PHKG2: variants seen among roughly 807,000 people sequenced by gnomAD.
PHKG2 encodes the protein phosphorylase kinase catalytic subunit gamma 2.
In PHKG2, 28 loss-of-function variants were observed where a neutral mutation model predicts 44.5. That is an observed-to-expected ratio of 0.63 (90% CI 0.47 to 0.86). The LOEUF is 0.86. Among genes scored for constraint, PHKG2 ranks in the 40% least tolerant of loss-of-function variants. The pLI, the probability that PHKG2 is intolerant of heterozygous loss-of-function variation, is 0.00. For missense variants in PHKG2, 498 were observed against 547.5 expected (o/e 0.91, Z 0.90); for synonymous variants, 220 against 211.2 (o/e 1.04, Z -0.36).
At position 30,753,283 on chromosome 16, in the gene PHKG2, T is replaced by C. The variant is rs1452563474; in HGVS notation, c.378T>C (p.Ser126=). ...ATCTCACAGAGAAGGTGGCCCTCTCTGAAAAGGAAACCAGGTAAGGGTTGA... is the reference window on the plus strand; with the variant it reads ...ATCTCACAGAGAAGGTGGCCCTCTCCGAAAAGGAAACCAGGTAAGGGTTGA... ...FDYLTEKVAL[S]EKETRSIMRS... is the part of the protein sequence containing the mutation. The change falls in exon 5 of 10, where the codon TCT becomes TCC. Residue 126 remains serine (S), a synonymous_variant. Coordinates refer to ENST00000563588, the MANE Select transcript of PHKG2 (RefSeq NM_000294.3). 6.2e-7 allele frequency: 1 copy of C among 1,613,954 alleles called. No homozygotes were observed.
chr16:30,748,564 C>A, intron 1 of PHKG2, 74 bp downstream of exon 1: 1 of 555,868 alleles, frequency 1.8e-6, no homozygotes, highest in Non-Finnish European at 3.2e-6. Flanking sequence ...GCCGCCTGCC[C>A]TTGCGCCCCT....
At position 30,757,097 on chromosome 16, in the gene PHKG2, G is replaced by T. The variant is rs1238421655; in HGVS notation, c.1221G>T (p.Ter407TyrextTer34). Residue 407 changes from the stop codon to tyrosine (Y), a stop_lost, in exon 10 of 10, where the codon TAG becomes TAT. Coordinates refer to ENST00000563588, the MANE Select transcript of PHKG2 (RefSeq NM_000294.3). ...ATGAGGCCGTGCTTGTGCTGGGCTA[G>T]GACCTCAACCCCAGGGATTCCCAGG... ...TEDEAVLVLG* is the reference protein window; with the variant it reads ...TEDEAVLVLGY The T allele has an allele frequency of 6.2e-7, 1 of 1,613,178 alleles. No homozygotes were observed. The highest frequency in any genetic ancestry group is 2.2e-5 in the East Asian group (1 of 44,878).
At chr16:30,751,684 G>C in intron 4 of PHKG2, 81 bp downstream of exon 4, 1 of 1,141,776 alleles carries the variant, frequency 8.8e-7, no homozygotes, top group Non-Finnish European at 1.3e-6. Context: ...CAGTGGGCTG[G>C]ACCCATCCTG....
rs775875751 is a variant in PHKG2, at chr16:30,753,567, T to TC, written c.556+11dup. The TC allele has an allele frequency of 6.2e-7, 1 of 1,613,594 alleles. No individual in the cohort carries two copies. The highest frequency in any genetic ancestry group is 8.5e-7 in the Non-Finnish European group (1 of 1,179,562). On this transcript the variant is annotated intron_variant, in intron 6 of 9. Coordinates refer to ENST00000563588, the MANE Select transcript of PHKG2 (RefSeq NM_000294.3). ...GGCGAGAAGCTTCGAGGTGAGGGGA[T>TC]CTAGTGCCCTAATAGGCTTGGGAGG... is the stretch of plus-strand genomic sequence containing the variant.
Position 30,760,804 on chromosome 16 carries a change from A to G in PHKG2, c.*3707A>G, listed in dbSNP as rs538862364. 2 of 764,734 alleles carry G rather than the reference A, an allele frequency of 2.6e-6. No individual in the cohort carries two copies. The highest frequency in any genetic ancestry group is 2.0e-5 in the Admixed American group (1 of 48,840). 47.4% of individuals were successfully genotyped at this position (764,734 alleles called of 1,614,324 possible). A position where few individuals can be genotyped will look rare whatever the true frequency, so the allele number is the denominator to read the frequency against. ...TTGCCAGCTTGCTGTGTGACTATGC[A>G]AATCGTTAACTCTCTGGGCCTAAAT... On this transcript the variant is annotated 3_prime_UTR_variant, in exon 10 of 10. Coordinates refer to ENST00000563588, the MANE Select transcript of PHKG2 (RefSeq NM_000294.3).
At position 30,759,585 on chromosome 16, in the gene PHKG2, G is replaced by T. The variant is rs769752076; in HGVS notation, c.*2488G>T. 1.9e-6 allele frequency: 3 copies of T among 1,614,146 alleles called. No homozygotes were observed. The highest frequency in any genetic ancestry group is 2.2e-5 in the South Asian group (2 of 91,084). On this transcript the variant is annotated 3_prime_UTR_variant, in exon 10 of 10. Transcript: ENST00000563588. ...TCACAAGAAGATAAGGGTGATGAAT[G>T]TGAGAGAGACTGGGTGAGACCTTGT...
At chr16:30,749,280 C>G (rs112808270) in intron 2 of PHKG2, among the ~76,000 whole-genome samples, 13 of 147,606 alleles carry the variant, frequency 8.8e-5, no homozygotes, top group South Asian at 2.1e-4. Flanking sequence ...GTGTGTGTGT[C>G]TGTGTGTGTG....
intron 6 of PHKG2, among the ~76,000 whole-genome samples, chr16:30,755,654 C>T (rs8049887): frequency 1.3e-5 from 2 of 151,696 alleles, no homozygotes; most frequent in African/African-American, 2.4e-5. Flanking sequence ...CCAGACTAGG[C>T]GACAGGGCAA....
intron 4 of PHKG2, 117 bp downstream of exon 4, chr16:30,751,720 G>A (rs764614483): frequency 3.3e-6 from 3 of 907,730 alleles, no homozygotes; most frequent in Non-Finnish European, 5.6e-6. Context: ...TCCAGCTGGG[G>A]CTCTCTATCA....
At chr16:30,750,230 C>T (rs752900452) in intron 2 of PHKG2, among the ~76,000 whole-genome samples, 1 of 152,026 alleles carries the variant, frequency 6.6e-6, no homozygotes, top group Non-Finnish European at 1.5e-5. Flanking sequence ...AAAATTGCAC[C>T]GGCCAAAACG....
chr16:30,760,226 T>G lies in PHKG2; in HGVS notation c.*3129T>G. Reference sequence around the variant, plus strand: ...TGCTTCTGCTTCCCATGGTCACTTGTGCCAGGCCCGGTTCCTCTTCTCCCT... The same window carrying G: ...TGCTTCTGCTTCCCATGGTCACTTGGGCCAGGCCCGGTTCCTCTTCTCCCT... On this transcript the variant is annotated 3_prime_UTR_variant, in exon 10 of 10. Coordinates refer to ENST00000563588, the MANE Select transcript of PHKG2 (RefSeq NM_000294.3). 1.2e-6 allele frequency: 2 copies of G among 1,613,100 alleles called. No homozygotes were observed. Among genetic ancestry groups the G allele is most frequent in the Non-Finnish European group, 1.7e-6 (2 of 1,180,002 alleles).
At position 30,758,864 on chromosome 16, in the gene PHKG2, A is replaced by G. The variant is rs2053548457; in HGVS notation, c.*1767A>G. 1 of 1,353,074 alleles carries G rather than the reference A, an allele frequency of 7.4e-7. No homozygotes were observed. Among genetic ancestry groups the G allele is most frequent in the Non-Finnish European group, 9.9e-7 (1 of 1,009,004 alleles). 83.8% of individuals were successfully genotyped at this position (1,353,074 alleles called of 1,614,324 possible). On this transcript the variant is annotated 3_prime_UTR_variant, in exon 10 of 10. Coordinates refer to ENST00000563588, the MANE Select transcript of PHKG2 (RefSeq NM_000294.3). The stretch of plus-strand genomic sequence containing the variant: ...ACGCCTGGCCTGCAGCTGTGCTTTT[A>G]TCTGTCATCTTGGACTTCTGCATAA...
intron 2 of PHKG2, among the ~76,000 whole-genome samples, chr16:30,750,144 G>C (rs969163916): frequency 2.0e-5 from 3 of 152,038 alleles, no homozygotes; most frequent in Non-Finnish European, 2.9e-5. Context: ...TAAGAGAGTA[G>C]GAAGTGTTGT....
Position 30,760,454 on chromosome 16 carries a change from C to T in PHKG2, c.*3357C>T, listed in dbSNP as rs767639553. 1.2e-6 allele frequency: 2 copies of T among 1,613,984 alleles called. No homozygotes were observed. The highest frequency in any genetic ancestry group is 1.1e-5 in the South Asian group (1 of 91,082). Reference sequence around the variant, plus strand: ...TAGCTCCAGCAGCTCAGCCAGCACCCTTGGGAGGGAGAGAGGAGTGAGTGA... The same window carrying T: ...TAGCTCCAGCAGCTCAGCCAGCACCTTTGGGAGGGAGAGAGGAGTGAGTGA... On this transcript the variant is annotated 3_prime_UTR_variant, in exon 10 of 10. Transcript: ENST00000563588.
In PHKG2 at chr16:30,756,538, G is replaced by A. The variant is rs754293230; in HGVS notation, c.801+18G>A. On this transcript the variant is annotated intron_variant, in intron 8 of 9. Transcript: ENST00000563588. ...AAGACCTGGTGAGCGGGGGCTGAGA[G>A]GACAGTAGGGGAGGCCCAAGAGCTG... 22 of 1,612,652 alleles carry A rather than the reference G, an allele frequency of 1.4e-5. No homozygotes were observed. The Admixed American group carries it at 2.0e-4, about 15-fold the overall frequency.
At chr16:30,749,971 G>GT (rs945153705) in intron 2 of PHKG2, among the ~76,000 whole-genome samples, 2 of 152,022 alleles carry the variant, frequency 1.3e-5, no homozygotes, top group African/African-American at 4.8e-5. Flanking sequence ...GTTCAGGGGG[G>GT]GGTCTTTAAA....
In PHKG2 at chr16:30,759,303, G is replaced by A. The variant is rs752763963; in HGVS notation, c.*2206G>A. 2 of 1,612,760 alleles carry A rather than the reference G, an allele frequency of 1.2e-6. No individual in the cohort carries two copies. The highest frequency in any genetic ancestry group is 1.1e-5 in the South Asian group (1 of 91,070). The stretch of plus-strand genomic sequence containing the variant: ...GAGTGCACCTGTGCTGAGGGGAGGG[G>A]CGGTTGAGGGTGGCTCCTCATGGTC... On this transcript the variant is annotated 3_prime_UTR_variant, in exon 10 of 10. Coordinates refer to ENST00000563588, the MANE Select transcript of PHKG2 (RefSeq NM_000294.3).
Position 30,758,925 on chromosome 16 carries a change from A to C in PHKG2, c.*1828A>C. 3 of 1,547,010 alleles carry C rather than the reference A, an allele frequency of 1.9e-6. No individual in the cohort carries two copies. The highest frequency in any genetic ancestry group is 2.6e-6 in the Non-Finnish European group (3 of 1,151,528). On this transcript the variant is annotated 3_prime_UTR_variant, in exon 10 of 10. Coordinates refer to ENST00000563588, the MANE Select transcript of PHKG2 (RefSeq NM_000294.3). ...AGAGAAAGGACTCTGACTAAAAACA[A>C]AAAGTCTGAAGTCCTGATGTCATCC...
intron 6 of PHKG2, chr16:30,754,964 G>C: frequency 2.2e-6 from 1 of 448,500 alleles, no homozygotes; most frequent in Non-Finnish European, 4.5e-6. Context: ...GTGTAGGAAT[G>C]AATTTCCCAA....
Sources: gnomAD v4.1 joint callset for allele counts (sites outside exome capture counted in the v4.1 genomes callset) on GRCh38, gnomAD v4.1.1 for gene constraint, MANE v1.5 for transcripts, NCBI Gene and HGNC (gene_info 2026-07-23, HGNC 2026-07-21) for gene names.